The following DNER variants were observed in gnomAD, a reference collection of about 807,000 sequenced individuals.
DNER encodes the protein delta and Notch-like epidermal growth factor-related receptor.
DNER carries 33 observed loss-of-function variants against 78.2 expected under a neutral mutation model. That is an observed-to-expected ratio of 0.42 (90% CI 0.32 to 0.56). The LOEUF (loss-of-function observed/expected upper bound fraction) is 0.56. DNER is among the 20% of genes least tolerant of loss of function. The probability of loss-of-function intolerance (pLI) is 0.11; values close to 1 mark genes in which losing one functional copy is unlikely to be tolerated. For synonymous variants in DNER, 417 were observed against 384.8 expected (o/e 1.08, Z -0.98); for missense variants, 918 against 975.3 (o/e 0.94, Z 0.78).
chr2:229,404,397 CT>C (rs1348125865), intron 10 of DNER, among the ~76,000 whole-genome samples: 1 of 147,696 alleles, frequency 6.8e-6, no homozygotes, highest in Non-Finnish European at 1.5e-5. Flanking sequence ...ATGCCAGCTA[CT>C]TATAAAACCA....
At chr2:229,685,813 T>G (rs1168246824) in intron 1 of DNER, among the ~76,000 whole-genome samples, 1 of 152,132 alleles carries the variant, frequency 6.6e-6, no homozygotes, top group Admixed American at 6.6e-5. Flanking sequence ...TGTGGACAGA[T>G]AGCAAACGAG....
chr2:229,560,324 AACAGACTGTGCCAAGTTTTCCTATT>A (rs1372661537), intron 4 of DNER, among the ~76,000 whole-genome samples: 1 of 152,218 alleles, frequency 6.6e-6, no homozygotes, highest in Non-Finnish European at 1.5e-5. Flanking sequence ...ACGTGTTGGA[AACAGACTGTGCCAAGTTTTCCTATT>A]AAGACACAAC....
At chr2:229,661,057 A>G (rs1224531586) in intron 1 of DNER, among the ~76,000 whole-genome samples, 1 of 152,112 alleles carries the variant, frequency 6.6e-6, no homozygotes, top group Non-Finnish European at 1.5e-5. Flanking sequence ...CCCAATCCCT[A>G]CCTGCTGCTC....
At chr2:229,631,621 C>G (rs1055681025) in intron 1 of DNER, among the ~76,000 whole-genome samples, 1 of 152,170 alleles carries the variant, frequency 6.6e-6, no homozygotes, top group Non-Finnish European at 1.5e-5. Context: ...ATTACTGAAA[C>G]TTTCAGGGCT....
chr2:229,710,043 A>AT (rs939674791), intron 1 of DNER, among the ~76,000 whole-genome samples: 29 of 152,100 alleles, frequency 1.9e-4, no homozygotes, highest in Middle Eastern at 3.4e-3. Context: ...TATCAGAAAC[A>AT]TTTTTTTTAT....
At position 229,434,961 on chromosome 2, in the gene DNER, C is replaced by T. The variant is rs553035259; in HGVS notation, c.1486+12355G>A. Among the ~76,000 whole-genome samples, 75 of 151,852 alleles carry T rather than the reference C, an allele frequency of 4.9e-4. 1 individual carries two copies. Among genetic ancestry groups the T allele is most frequent in the African/African-American group, 1.7e-3 (72 of 41,390 alleles). ...ACACACACACACACGTGCACACACA[C>T]ACACAGACACATCACATCACATTCT... On this transcript the variant is annotated intron_variant, in intron 8 of 12. Transcript: ENST00000341772.
At chr2:229,364,859 T>A (rs1184356518) in intron 12 of DNER, among the ~76,000 whole-genome samples, 2 of 145,352 alleles carry the variant, frequency 1.4e-5, no homozygotes, top group Non-Finnish European at 3.0e-5. Flanking sequence ...TTTTTTTTTT[T>A]TTTTTTTTTT....
chr2:229,525,191 T>C (rs1696185775), intron 5 of DNER, among the ~76,000 whole-genome samples: 1 of 152,246 alleles, frequency 6.6e-6, no homozygotes, highest in Non-Finnish European at 1.5e-5. Context: ...TGTGCATGTA[T>C]AACTTTAACC....
intron 7 of DNER, among the ~76,000 whole-genome samples, chr2:229,451,008 C>A (rs1463372302): frequency 6.6e-6 from 1 of 152,166 alleles, no homozygotes; most frequent in Admixed American, 6.5e-5. Context: ...TGGCAAGGCC[C>A]CCTTTCTCCC....
chr2:229,458,706 T>C (rs1234950187), intron 7 of DNER, among the ~76,000 whole-genome samples: 1 of 151,712 alleles, frequency 6.6e-6, no homozygotes, highest in African/African-American at 2.4e-5. Flanking sequence ...CTCCCTAAGA[T>C]AGAGAGCAAA....
intron 11 of DNER, among the ~76,000 whole-genome samples, chr2:229,386,533 C>T (rs941358007): frequency 6.6e-6 from 1 of 151,872 alleles, no homozygotes; most frequent in Non-Finnish European, 1.5e-5. Context: ...AGTGAACAGA[C>T]AACCTACAGA....
intron 6 of DNER, among the ~76,000 whole-genome samples, chr2:229,479,721 A>C (rs1035934123): frequency 6.6e-6 from 1 of 150,446 alleles, no homozygotes; most frequent in Non-Finnish European, 1.5e-5. Context: ...TCAAAAAAAA[A>C]AAAAAAAAAA....
intron 1 of DNER, among the ~76,000 whole-genome samples, chr2:229,629,481 T>C (rs546170785): frequency 3.7e-4 from 56 of 152,332 alleles, no homozygotes; most frequent in Non-Finnish European, 5.6e-4. Context: ...CTTTCTGAAT[T>C]GTTGCCCCCA....
At chr2:229,587,425 AC>A (rs1342220483) in intron 3 of DNER, among the ~76,000 whole-genome samples, 1 of 152,108 alleles carries the variant, frequency 6.6e-6, no homozygotes, top group African/African-American at 2.4e-5. Context: ...GGCTGTGGTG[AC>A]CCAGGGTGCA....
chr2:229,711,002 C>CAG, intron 1 of DNER, among the ~76,000 whole-genome samples: 1 of 151,584 alleles, frequency 6.6e-6, no homozygotes, highest in East Asian at 1.9e-4. Flanking sequence ...CACACACACA[C>CAG]ACACACACAC....
rs1185376395 is a variant in DNER, at chr2:229,367,048, T to A, written c.1927A>T (p.Ile643Phe). ...NMPRHSLYII[I>F]GALCVAFILM... ...ATGAAGGCCACGCAGAGGGCTCCAA[T>A]GATGATGTAGAGGGAGTGCCGTGGC... Residue 643 changes from isoleucine to phenylalanine, a missense_variant, in exon 12 of 13, where the codon ATT becomes TTT. Coordinates refer to ENST00000341772, the MANE Select transcript of DNER (RefSeq NM_139072.4). The A allele has an allele frequency of 6.2e-7, 1 of 1,614,046 alleles. No homozygotes were observed. The highest frequency in any genetic ancestry group is 1.3e-5 in the African/African-American group (1 of 75,014).
chr2:229,360,561 C>A lies in DNER; in HGVS notation c.2103-1910G>T, dbSNP rs530565121. 6.6e-5 allele frequency among the ~76,000 whole-genome samples: 10 copies of A among 152,218 alleles called. No individual in the cohort carries two copies. In the South Asian group the frequency reaches 2.1e-3, roughly 32 times the overall value. On this transcript the variant is annotated intron_variant, in intron 12 of 12. Coordinates refer to ENST00000341772, the MANE Select transcript of DNER (RefSeq NM_139072.4). ...CCGAGTAGCTGGGACTACAGGCGCC[C>A]GCCACCACGCCCAGCTAATTTTTTG...
rs78440304 is a variant in DNER, at chr2:229,608,863, C to T, written c.277-16975G>A. ...GTTTGTTGAATCTCAGTGGCAGATG[C>T]TAATTATACTATTCTCCATTCTTTC... On this transcript the variant is annotated intron_variant, in intron 1 of 12. Transcript: ENST00000341772. 2.2e-3 allele frequency among the ~76,000 whole-genome samples: 339 copies of T among 152,218 alleles called. 1 individual carries two copies. Among genetic ancestry groups the T allele is most frequent in the African/African-American group, 7.9e-3 (330 of 41,542 alleles).
In DNER at chr2:229,669,205, G is replaced by A. The variant is rs191553489; in HGVS notation, c.276+44943C>T. On this transcript the variant is annotated intron_variant, in intron 1 of 12. Coordinates refer to ENST00000341772, the MANE Select transcript of DNER (RefSeq NM_139072.4). ...CACAGGGAGGGGAACATCACATACCGGGGCCTGTTGTGGGGTTGGGGGCAA... is the reference window on the plus strand; with the variant it reads ...CACAGGGAGGGGAACATCACATACCAGGGCCTGTTGTGGGGTTGGGGGCAA... Among the ~76,000 whole-genome samples the A allele has an allele frequency of 2.6e-4, 39 of 152,068 alleles. No individual in the cohort carries two copies. In the East Asian group the frequency reaches 3.5e-3, roughly 14 times the overall value.
Sources: gnomAD v4.1 joint callset for allele counts (sites outside exome capture counted in the v4.1 genomes callset) on GRCh38, gnomAD v4.1.1 for gene constraint, MANE v1.5 for transcripts, NCBI Gene and HGNC (gene_info 2026-07-23, HGNC 2026-07-21) for gene names.